TRPC4: variants seen among roughly 807,000 people sequenced by gnomAD.
TRPC4 encodes the protein short transient receptor potential channel 4.
A neutral mutation model predicts 99.4 loss-of-function variants in TRPC4; 49 were observed. The ratio of observed to expected loss-of-function variants is 0.49; its 90% confidence interval spans 0.39 to 0.63. TRPC4 has a LOEUF of 0.63. TRPC4 is among the 20% of genes least tolerant of loss of function. The pLI is 0.00. For missense variants in TRPC4, 898 were observed against 1,152.9 expected, an observed-to-expected ratio of 0.78 and a Z score of 3.20; for synonymous variants, 454 against 425.9, an observed-to-expected ratio of 1.07 and a Z score of -0.81.
intron 3 of TRPC4, among the ~76,000 whole-genome samples, chr13:37,695,929 G>C (rs115138154): frequency 0.016 from 2,445 of 152,226 alleles, 69 homozygotes; most frequent in African/African-American, 0.056. Context: ...GCTAAATCTG[G>C]AAAGTATATA....
At chr13:37,640,684 C>T (rs1042095797) in intron 8 of TRPC4, among the ~76,000 whole-genome samples, 1 of 152,140 alleles carries the variant, frequency 6.6e-6, no homozygotes. Flanking sequence ...AGGTGTCTGA[C>T]TCATATTGAG....
chr13:37,818,821 G>A (rs773746980), intron 1 of TRPC4, among the ~76,000 whole-genome samples: 1 of 152,024 alleles, frequency 6.6e-6, no homozygotes, highest in Non-Finnish European at 1.5e-5. Context: ...GGCCATTGAA[G>A]AGATAGCATT....
rs750134229 is a variant in TRPC4, at chr13:37,639,160, C to T, written c.2122-31G>A. 6 of 1,613,108 alleles carry T rather than the reference C, an allele frequency of 3.7e-6. No individual in the cohort carries two copies. The African/African-American group carries it at 4.0e-5, about 11-fold the overall frequency. ...GCATTTTAGAACAAGAGTATTGATA[C>T]TCAATGAGTAAATAAATTTCCTCCT... On this transcript the variant is annotated intron_variant, in intron 9 of 10. Transcript: ENST00000379705.
chr13:37,821,887 C>T (rs1445523170), intron 1 of TRPC4, among the ~76,000 whole-genome samples: 1 of 151,966 alleles, frequency 6.6e-6, no homozygotes, highest in East Asian at 1.9e-4. Flanking sequence ...AATACCATTC[C>T]AGACACAGGC....
chr13:37,685,874 T>G (rs1308304093), intron 4 of TRPC4, among the ~76,000 whole-genome samples: 1 of 152,150 alleles, frequency 6.6e-6, no homozygotes, highest in African/African-American at 2.4e-5. Context: ...GTTTGAGATA[T>G]TACTGCATTA....
chr13:37,648,408 G>T (rs954893524), intron 8 of TRPC4, among the ~76,000 whole-genome samples: 1 of 152,148 alleles, frequency 6.6e-6, no homozygotes, highest in African/African-American at 2.4e-5. Context: ...AGACAGCATT[G>T]ATATTGATTG....
chr13:37,786,173 T>A (rs952243027), intron 1 of TRPC4, among the ~76,000 whole-genome samples: 3 of 151,970 alleles, frequency 2.0e-5, no homozygotes, highest in Admixed American at 1.3e-4. Context: ...AATAAGTATA[T>A]AAGAATTTAT....
At chr13:37,863,077 TA>T (rs1959493521) in intron 1 of TRPC4, among the ~76,000 whole-genome samples, 2 of 151,568 alleles carry the variant, frequency 1.3e-5, no homozygotes, top group Non-Finnish European at 3.0e-5. Flanking sequence ...CTATTCCATA[TA>T]GCCTAGGTAT....
chr13:37,729,502 A>T (rs1410180167), intron 3 of TRPC4, among the ~76,000 whole-genome samples: 1 of 152,148 alleles, frequency 6.6e-6, no homozygotes, highest in Non-Finnish European at 1.5e-5. Context: ...AAAAGAATTG[A>T]AAGTAGGGTG....
chr13:37,819,381 T>C (rs747528659), intron 1 of TRPC4, among the ~76,000 whole-genome samples: 3 of 152,096 alleles, frequency 2.0e-5, no homozygotes, highest in Non-Finnish European at 2.9e-5. Context: ...TGAATGTGTA[T>C]GTTTATTGTA....
chr13:37,857,207 T>A (rs1959181497), intron 1 of TRPC4, among the ~76,000 whole-genome samples: 1 of 151,112 alleles, frequency 6.6e-6, no homozygotes, highest in Non-Finnish European at 1.5e-5. Flanking sequence ...ACCTATGAAA[T>A]AACCAAGGAA....
chr13:37,728,800 T>C (rs1387980401), intron 3 of TRPC4, among the ~76,000 whole-genome samples: 1 of 152,032 alleles, frequency 6.6e-6, no homozygotes, highest in Non-Finnish European at 1.5e-5. Context: ...GTTACTGTAA[T>C]GAAAACATTA....
At chr13:37,821,320 C>A (rs919175727) in intron 1 of TRPC4, among the ~76,000 whole-genome samples, 2 of 151,620 alleles carry the variant, frequency 1.3e-5, no homozygotes, top group Admixed American at 1.3e-4. Flanking sequence ...AGAGATGACA[C>A]AAATGAATGG....
chr13:37,770,964 A>T (rs184273036), intron 2 of TRPC4, among the ~76,000 whole-genome samples: 3 of 151,654 alleles, frequency 2.0e-5, no homozygotes, highest in African/African-American at 7.2e-5. Flanking sequence ...TCTTTTATTG[A>T]TGTTGAATTA....
At chr13:37,809,467 GT>G (rs11316952) in intron 1 of TRPC4, among the ~76,000 whole-genome samples, 57,851 of 146,750 alleles carry the variant, frequency 0.39, 11,302 homozygotes, top group Middle Eastern at 0.44. Context: ...CGGGTTTTGT[GT>G]TTTTTTTTTT....
chr13:37,685,658 T>C (rs964727830), intron 4 of TRPC4, among the ~76,000 whole-genome samples: 2 of 152,116 alleles, frequency 1.3e-5, no homozygotes, highest in African/African-American at 4.8e-5. Context: ...ACTCCTCTTT[T>C]CCTGTCTTTT....
chr13:37,637,405 G>T lies in TRPC4; in HGVS notation c.2432C>A (p.Ala811Asp). The stretch of plus-strand genomic sequence containing the variant: ...ATTGCTTATGTTATGTCTTTCAGAG[G>T]CAATTGCTGCTGATCTCGGATGAAT... Reference protein sequence around the residue: ...TLIHPRSAAIASERHNISNGS... With the variant: ...TLIHPRSAAIDSERHNISNGS... The change falls in exon 11 of 11, where the codon GCC (alanine) becomes GAC (aspartate). Residue 811 changes from alanine to aspartate, a missense_variant. This residue lies in a region of TRPC4 where 346 missense variants were observed against 351.4 expected (regional missense o/e 0.98). Transcript: ENST00000379705. 1 of 1,613,644 alleles carries T rather than the reference G, an allele frequency of 6.2e-7. No homozygotes were observed. Among genetic ancestry groups the T allele is most frequent in the Non-Finnish European group, 8.5e-7 (1 of 1,179,822 alleles).
chr13:37,828,534 T>A (rs923888653), intron 1 of TRPC4, among the ~76,000 whole-genome samples: 3 of 152,224 alleles, frequency 2.0e-5, no homozygotes, highest in Admixed American at 6.5e-5. Context: ...CATGCATGTG[T>A]ATGTTCATCA....
chr13:37,648,893 C>T (rs1052311997), intron 8 of TRPC4, among the ~76,000 whole-genome samples: 2 of 152,166 alleles, frequency 1.3e-5, no homozygotes, highest in African/African-American at 4.8e-5. Flanking sequence ...CTTAAAACAT[C>T]AGAGCAGGAC....
Sources: gnomAD v4.1 joint callset for allele counts (sites outside exome capture counted in the v4.1 genomes callset) on GRCh38, gnomAD v4.1.1 for gene constraint, gnomAD v4.1.1 regional missense constraint, MANE v1.5 for transcripts, NCBI Gene and HGNC (gene_info 2026-07-23, HGNC 2026-07-21) for gene names.